Variants in RGPD3 observed in about 807,000 individuals in gnomAD.
RGPD3 encodes ranBP2-like and GRIP domain-containing protein 3.
A neutral mutation model predicts 154.5 loss-of-function variants in RGPD3; 62 were observed. That is an observed-to-expected ratio of 0.40 (90% CI 0.33 to 0.50). RGPD3 has a LOEUF of 0.50. Among genes scored for constraint, RGPD3 ranks in the 20% least tolerant of loss-of-function variants. The pLI, the probability that RGPD3 is intolerant of heterozygous loss-of-function variation, is 0.59. For missense variants in RGPD3, 919 were observed against 1,716.8 expected (o/e 0.54, Z 8.21); for synonymous variants, 308 against 607.0 (o/e 0.51, Z 7.24).
At position 106,423,990 on chromosome 2, in the gene RGPD3, T is replaced by G. The variant is rs776579916; in HGVS notation, c.3977A>C (p.Gln1326Pro). ...VGTDEESDVT[Q>P]EEERDGQYFE... is the part of the protein sequence containing the mutation. ...GTACTGTCCATCTCTCTCTTCTTCT[T>G]GAGTAACATCAGATTCTTCATCAGT... Residue 1326 changes from glutamine (Q) to proline (P), a missense_variant, in exon 20 of 23, where the codon CAA becomes CCA. Physicochemically the swap from Gln to Pro is moderately conservative, Grantham distance 76 (BLOSUM62 -1). Coordinates refer to ENST00000409886, the MANE Select transcript of RGPD3 (RefSeq NM_001144013.2). The G allele has an allele frequency of 6.2e-6, 10 of 1,611,660 alleles. No individual in the cohort carries two copies. The highest frequency in any genetic ancestry group is 8.5e-6 in the Non-Finnish European group (10 of 1,179,800).
intron 7 of RGPD3, among the ~76,000 whole-genome samples, chr2:106,445,316 T>C (rs1269335819): frequency 6.6e-6 from 1 of 151,598 alleles, no homozygotes; most frequent in Non-Finnish European, 1.5e-5. Context: ...TAAATAAAAA[T>C]AAGAACTATC....
rs1219494067 is a variant in RGPD3 at position 106,433,092 on chromosome 2, T to C, written c.2385+14A>G. The C allele has an allele frequency of 1.2e-6, 2 of 1,610,868 alleles. No homozygotes were observed. Among genetic ancestry groups the C allele is most frequent in the Admixed American group, 1.7e-5 (1 of 59,912 alleles). On this transcript the variant is annotated intron_variant, in intron 16 of 22. Transcript: ENST00000409886. The stretch of plus-strand genomic sequence containing the variant: ...CAATTTCACAATGAAATGATTCCAT[T>C]CTTTCCTGTTTACCTTGTAACTTTT...
Position 106,452,255 on chromosome 2 carries a change from AAGCATAAGAT to A in RGPD3, c.722_731del (p.Asn241IlefsTer41). Reference sequence around the variant, plus strand: ...GCACATCTCTAGTGGAAAGCGTAAGAAGCATAAGATTAGCATAGGCCAGCAGTAAGTCTGT... The same window carrying A: ...GCACATCTCTAGTGGAAAGCGTAAGATAGCATAGGCCAGCAGTAAGTCTGT... On this transcript the variant is annotated frameshift_variant, in exon 6 of 23. Coordinates refer to ENST00000409886, the MANE Select transcript of RGPD3 (RefSeq NM_001144013.2). LOFTEE classifies it high-confidence loss of function. 2.8e-6 allele frequency: 2 copies of A among 724,628 alleles called. No individual in the cohort carries two copies. The highest frequency in any genetic ancestry group is 4.3e-6 in the Non-Finnish European group (2 of 464,230). The allele number at this position is 724,628 out of a possible 1,614,324, so 44.9% of individuals were successfully genotyped here.
chr2:106,421,943 G>A (rs1189446362), intron 20 of RGPD3, among the ~76,000 whole-genome samples: 1 of 150,914 alleles, frequency 6.6e-6, no homozygotes, highest in Admixed American at 6.6e-5. Context: ...TGCTTAAACT[G>A]GCATTCTTTG....
chr2:106,435,861 CA>C, intron 12 of RGPD3, among the ~76,000 whole-genome samples: 1 of 152,338 alleles, frequency 6.6e-6, no homozygotes, highest in East Asian at 1.9e-4. Flanking sequence ...TTTTAATTTT[CA>C]GGCTGAATAA....
rs561450702 is a variant in RGPD3, at chr2:106,447,864, T to C, written c.783-251A>G. On this transcript the variant is annotated intron_variant, in intron 6 of 22. Transcript: ENST00000409886. The stretch of plus-strand genomic sequence containing the variant: ...TTCCCAGTTATTTCCAGCCCTCCAA[T>C]CACAGGATAAATATAAGATCAGTGA... 1.9e-4 allele frequency among the ~76,000 whole-genome samples: 29 copies of C among 151,862 alleles called. 1 individual carries two copies. The highest frequency in any genetic ancestry group is 1.9e-3 in the Admixed American group (29 of 15,228).
intron 22 of RGPD3, among the ~76,000 whole-genome samples, chr2:106,410,032 C>G (rs1454263381): frequency 4.0e-5 from 6 of 151,738 alleles, no homozygotes; most frequent in Admixed American, 3.3e-4. Context: ...TGCACCACCA[C>G]GCCCAGCTAA....
intron 22 of RGPD3, among the ~76,000 whole-genome samples, chr2:106,406,112 G>T (rs1376227341): frequency 6.7e-6 from 1 of 148,956 alleles, no homozygotes; most frequent in Non-Finnish European, 1.5e-5. Context: ...AAAACCAATA[G>T]ATTTATGGTA....
intron 1 of RGPD3, among the ~76,000 whole-genome samples, chr2:106,467,021 C>T (rs571243873): frequency 7.7e-6 from 1 of 130,352 alleles, no homozygotes; most frequent in Non-Finnish European, 1.7e-5. Flanking sequence ...AGGCCGCCGC[C>T]GCCGCCTCAA....
intron 8 of RGPD3, among the ~76,000 whole-genome samples, chr2:106,440,517 T>TAGA (rs1469835296): frequency 1.3e-5 from 2 of 149,024 alleles, no homozygotes; most frequent in Non-Finnish European, 3.0e-5. Flanking sequence ...AGGAAAAAAG[T>TAGA]AGAAAGTCAC....
chr2:106,438,060 AG>A, intron 9 of RGPD3, among the ~76,000 whole-genome samples: 1 of 152,244 alleles, frequency 6.6e-6, no homozygotes, highest in South Asian at 2.1e-4. Flanking sequence ...CCTCCTGAGT[AG>A]GGACTACAGG....
At chr2:106,470,164 G>T (rs1028978989), upstream of RGPD3, among the ~76,000 whole-genome samples, 1 of 152,124 alleles carries the variant, frequency 6.6e-6, no homozygotes, top group African/African-American at 2.4e-5. Flanking sequence ...CCCAAAAAAG[G>T]TTATTATTGT....
At chr2:106,405,251 A>G in intron 22 of RGPD3, 22 bp from the exon 23 acceptor site, 9 of 1,606,126 alleles carry the variant, frequency 5.6e-6, no homozygotes, top group Non-Finnish European at 7.6e-6. Flanking sequence ...AAAACAAAAA[A>G]AAAGAAAAAA....
intron 21 of RGPD3, among the ~76,000 whole-genome samples, 200 bp downstream of exon 21, chr2:106,415,650 C>T (rs1309440701): frequency 8.5e-6 from 1 of 116,982 alleles, no homozygotes. Context: ...GCACTCCAGC[C>T]TGCGTGACAA....
chr2:106,450,530 C>T (rs953474607), intron 6 of RGPD3, among the ~76,000 whole-genome samples: 24 of 144,402 alleles, frequency 1.7e-4, no homozygotes, highest in African/African-American at 5.6e-4. Flanking sequence ...CTGAGCCTCC[C>T]CCTCTGAGGG....
intron 7 of RGPD3, among the ~76,000 whole-genome samples, chr2:106,443,759 G>A (rs1224583932): frequency 2.6e-5 from 3 of 116,126 alleles, no homozygotes; most frequent in Non-Finnish European, 5.3e-5. Flanking sequence ...GCAGTGGCAC[G>A]ATCTCGGCTC....
intron 8 of RGPD3, among the ~76,000 whole-genome samples, chr2:106,441,090 C>G (rs1362201099): frequency 2.0e-5 from 3 of 148,404 alleles, no homozygotes; most frequent in Non-Finnish European, 3.0e-5. Flanking sequence ...CACATAGGAA[C>G]AAACAATATC....
chr2:106,416,004 T>G lies in RGPD3; in HGVS notation c.4925-15A>C. On this transcript the variant is annotated splice_polypyrimidine_tract_variant and intron_variant, in intron 20 of 22. Coordinates refer to ENST00000409886, the MANE Select transcript of RGPD3 (RefSeq NM_001144013.2). ...TAATGGAGGCTCTGCAACATGTTGT[T>G]CCAAGAATTAATTTTCAAAATCATA... is the stretch of plus-strand genomic sequence containing the variant. 1 of 1,611,414 alleles carries G rather than the reference T, an allele frequency of 6.2e-7. No individual in the cohort carries two copies. Among genetic ancestry groups the G allele is most frequent in the Non-Finnish European group, 8.5e-7 (1 of 1,179,688 alleles).
intron 6 of RGPD3, among the ~76,000 whole-genome samples, chr2:106,450,981 C>T (rs1161721482): frequency 0.017 from 2,475 of 148,424 alleles, 31 homozygotes; most frequent in African/African-American, 0.058. Flanking sequence ...CCCAGCTACT[C>T]GGGAGGCTGA....
Sources: allele counts gnomAD v4.1 joint callset (sites outside exome capture counted in the v4.1 genomes callset), GRCh38; gene constraint gnomAD v4.1.1; transcripts MANE v1.5; gene names NCBI Gene and HGNC (gene_info 2026-07-23, HGNC 2026-07-21).